Variants in RBFOX1 observed in about 807,000 individuals in gnomAD.
The protein encoded by RBFOX1 is RNA binding protein fox-1 homolog 1.
A neutral mutation model predicts 57.7 loss-of-function variants in RBFOX1; 8 were observed. The observed-to-expected ratio is 0.14, with a 90% CI of 0.08 to 0.25. The LOEUF (loss-of-function observed/expected upper bound fraction) is 0.25. RBFOX1 is among the 10% of genes least tolerant of loss of function. The pLI is 1.00. For missense variants in RBFOX1, 611 were observed against 548.5 expected (o/e 1.11, Z -1.14); for synonymous variants, 326 against 222.4 (o/e 1.47, Z -4.15).
At chr16:7,173,315 T>G (rs904852138) in intron 4 of RBFOX1, among the ~76,000 whole-genome samples, 1 of 152,172 alleles carries the variant, frequency 6.6e-6, no homozygotes, top group African/African-American at 2.4e-5. Flanking sequence ...AAGAAACTAA[T>G]AGCTGGAGCT....
chr16:5,265,167 G>T (rs1342031074), intron 1 of RBFOX1, among the ~76,000 whole-genome samples: 2 of 152,132 alleles, frequency 1.3e-5, no homozygotes, highest in Non-Finnish European at 1.5e-5. Context: ...ACTACAGTGT[G>T]GGATGTCTGT....
intron 1 of RBFOX1, among the ~76,000 whole-genome samples, chr16:6,149,712 A>C (rs2096784386): frequency 6.6e-6 from 1 of 152,198 alleles, no homozygotes; most frequent in Non-Finnish European, 1.5e-5. Flanking sequence ...CCCCCATAAG[A>C]GATGCAGGTT....
intron 1 of RBFOX1, among the ~76,000 whole-genome samples, chr16:6,223,591 C>G (rs2097393628): frequency 1.3e-5 from 2 of 152,044 alleles, no homozygotes; most frequent in Admixed American, 1.3e-4. Context: ...ATTGTAGATT[C>G]TGGATATCAG....
At chr16:5,277,093 A>G (rs867453895) in intron 1 of RBFOX1, among the ~76,000 whole-genome samples, 17 of 151,618 alleles carry the variant, frequency 1.1e-4, no homozygotes, top group Non-Finnish European at 2.2e-4. Flanking sequence ...TTTTATATGT[A>G]TATATATATA....
chr16:5,906,364 G>C (rs2058456082), intron 4 of RBFOX1, among the ~76,000 whole-genome samples: 1 of 152,188 alleles, frequency 6.6e-6, no homozygotes, highest in Non-Finnish European at 1.5e-5. Flanking sequence ...TAAAAGCAGA[G>C]ATCAAGGTAA....
At chr16:5,583,481 G>T (rs1434506485) in intron 2 of RBFOX1, among the ~76,000 whole-genome samples, 1 of 152,122 alleles carries the variant, frequency 6.6e-6, no homozygotes, top group African/African-American at 2.4e-5. Flanking sequence ...ATTCCTGTAC[G>T]TCACTTTACT....
intron 2 of RBFOX1, among the ~76,000 whole-genome samples, chr16:6,444,855 G>T (rs1473899406): frequency 6.6e-6 from 1 of 152,162 alleles, no homozygotes; most frequent in African/African-American, 2.4e-5. Flanking sequence ...GGTTCTGTGT[G>T]AGAACAGGGA....
intron 2 of RBFOX1, among the ~76,000 whole-genome samples, chr16:5,520,047 G>T (rs1001632310): frequency 6.6e-6 from 1 of 152,196 alleles, no homozygotes; most frequent in Non-Finnish European, 1.5e-5. Context: ...AATGATGCAG[G>T]ATGTGCGATG....
chr16:5,903,021 C>A (rs2058345496), intron 4 of RBFOX1, among the ~76,000 whole-genome samples: 1 of 152,126 alleles, frequency 6.6e-6, no homozygotes, highest in African/African-American at 2.4e-5. Context: ...CCCTTTCCAG[C>A]CTCCCATGGT....
chr16:6,186,494 C>T (rs1415575639), intron 1 of RBFOX1, among the ~76,000 whole-genome samples: 2 of 151,914 alleles, frequency 1.3e-5, no homozygotes, highest in African/African-American at 4.8e-5. Flanking sequence ...AAACAGATAA[C>T]TAAGAATGGA....
intron 2 of RBFOX1, chr16:6,483,602 G>C: frequency 1.3e-6 from 2 of 1,510,640 alleles, no homozygotes; most frequent in Non-Finnish European, 1.8e-6. Flanking sequence ...AAGAGGGAGA[G>C]AGGGAGGGAG....
intron 3 of RBFOX1, among the ~76,000 whole-genome samples, chr16:6,965,102 G>A (rs2083825662): frequency 1.3e-5 from 2 of 152,154 alleles, no homozygotes; most frequent in South Asian, 4.2e-4. Flanking sequence ...AGGTCATGAG[G>A]TGGGTTTATC....
At chr16:5,391,829 TAC>T (rs750921189) in intron 1 of RBFOX1, among the ~76,000 whole-genome samples, 3 of 150,926 alleles carry the variant, frequency 2.0e-5, no homozygotes, top group Non-Finnish European at 3.0e-5. Flanking sequence ...TGTATATATA[TAC>T]ACACACACCA....
At chr16:7,197,998 C>T (rs367606887) in intron 4 of RBFOX1, among the ~76,000 whole-genome samples, 18 of 55,596 alleles carry the variant, frequency 3.2e-4, no homozygotes, top group African/African-American at 7.4e-4. Context: ...TTCTTTCTTT[C>T]TTTTTTTTTT....
chr16:6,982,139 A>G (rs373954644), intron 3 of RBFOX1, among the ~76,000 whole-genome samples: 1 of 152,162 alleles, frequency 6.6e-6, no homozygotes, highest in African/African-American at 2.4e-5. Context: ...TGATACGAAG[A>G]GTTATCCATG....
At position 6,870,265 on chromosome 16, in the gene RBFOX1, C is replaced by T. The variant is rs565207091; in HGVS notation, c.-15-181792C>T. On this transcript the variant is annotated intron_variant, in intron 3 of 15. Transcript: ENST00000550418. ...GGTGGGGCAATGGAGAGAGCATTCC[C>T]TTTGGTCGCTTGAAAAAATCCGTGC... Among the ~76,000 whole-genome samples the T allele has an allele frequency of 3.3e-5, 5 of 152,180 alleles. No homozygotes were observed. In the East Asian group the frequency reaches 7.7e-4, roughly 24 times the overall value.
chr16:5,504,958 G>C (rs2043328379), intron 2 of RBFOX1, among the ~76,000 whole-genome samples: 1 of 152,166 alleles, frequency 6.6e-6, no homozygotes, highest in African/African-American at 2.4e-5. Flanking sequence ...CCTAGGGGCT[G>C]GGGACGATGG....
Position 7,083,127 on chromosome 16 carries a change from C to A in RBFOX1, c.27+31029C>A, listed in dbSNP as rs191738515. On this transcript the variant is annotated intron_variant, in intron 4 of 15. Transcript: ENST00000550418. ...AGGTTTGAGGAATTGATTGAATCATCAATTTGGTTATGAGCAGAATTTAAA... is the reference window on the plus strand; with the variant it reads ...AGGTTTGAGGAATTGATTGAATCATAAATTTGGTTATGAGCAGAATTTAAA... Among the ~76,000 whole-genome samples the A allele has an allele frequency of 4.5e-4, 69 of 152,256 alleles. 1 individual carries two copies. Among genetic ancestry groups the A allele is most frequent in the African/African-American group, 1.6e-3 (68 of 41,554 alleles).
At chr16:5,739,548 T>C (rs953269409) in intron 3 of RBFOX1, among the ~76,000 whole-genome samples, 1 of 152,394 alleles carries the variant, frequency 6.6e-6, no homozygotes. Context: ...CTTTGATCTT[T>C]ATTCCCCTGA....
Sources: gnomAD v4.1 joint callset for allele counts (sites outside exome capture counted in the v4.1 genomes callset) on GRCh38, gnomAD v4.1.1 for gene constraint, MANE v1.5 for transcripts, NCBI Gene and HGNC (gene_info 2026-07-23, HGNC 2026-07-21) for gene names.